The following FBN2 variants were observed in gnomAD, a reference collection of about 807,000 sequenced individuals.
FBN2 encodes fibrillin 2, also known as fibrillin-2.
Under a neutral mutation model 355.6 loss-of-function variants are expected in FBN2, and 105 were observed. The ratio of observed to expected loss-of-function variants is 0.30; its 90% CI spans 0.25 to 0.35. FBN2 has a LOEUF of 0.35. FBN2 is among the 10% of genes least tolerant of loss of function. The pLI, the probability that FBN2 is intolerant of heterozygous loss-of-function variation, is 1.00. For synonymous variants in FBN2, 1,350 were observed against 1,301.2 expected (o/e 1.04, Z -0.81); for missense variants, 3,280 against 3,758.7 (o/e 0.87, Z 3.33).
Position 128,336,090 on chromosome 5 carries a change from C to G in FBN2, c.3622G>C (p.Asp1208His). 1 of 1,613,448 alleles carries G rather than the reference C, an allele frequency of 6.2e-7. No individual in the cohort carries two copies. Among genetic ancestry groups the G allele is most frequent in the Non-Finnish European group, 8.5e-7 (1 of 1,179,500 alleles). ...CATTTTCCATTTCTGCAGAGATTGT[C>G]ACTCAGGGAGCATTCATTAATATCT... is the stretch of plus-strand genomic sequence containing the variant. ...CVDINECSLS[D>H]NLCRNGKCVN... The change falls in exon 28 of 65, where the codon GAC (aspartate) becomes CAC (histidine). Residue 1208 changes from aspartate (D) to histidine (H), a missense_variant. Physicochemically the swap from Asp to His is moderately conservative, Grantham distance 81. This residue lies in a region of FBN2 where 2,284 missense variants were observed against 2,749.5 expected (regional missense o/e 0.83). Transcript: ENST00000262464.
Position 128,286,736 on chromosome 5 carries a change from C to G in FBN2, c.6994G>C (p.Asp2332His). ...CGCTTACCTACACAGCCTTCTCCAT[C>G]GGGCCTTCGGGCCATTCCAGGAGGG... is the stretch of plus-strand genomic sequence containing the variant. ...ICPPGMARRP[D>H]GEGCVDENEC... The change falls in exon 55 of 65, where the codon GAT (aspartate) becomes CAT (histidine). Residue 2332 changes from aspartate to histidine, a missense_variant. Transcript: ENST00000262464. 6.2e-7 allele frequency: 1 copy of G among 1,614,140 alleles called. No individual in the cohort carries two copies. Among genetic ancestry groups the G allele is most frequent in the Non-Finnish European group, 8.5e-7 (1 of 1,179,988 alleles).
At chr5:128,442,696 C>A (rs1438429085) in intron 7 of FBN2, among the ~76,000 whole-genome samples, 2 of 151,918 alleles carry the variant, frequency 1.3e-5, no homozygotes, top group African/African-American at 4.8e-5. Context: ...AGATCCAGGA[C>A]CCTAATTGAG....
At chr5:128,500,821 A>C (rs530345329) in intron 5 of FBN2, among the ~76,000 whole-genome samples, 1 of 152,188 alleles carries the variant, frequency 6.6e-6, no homozygotes, top group South Asian at 2.1e-4. Context: ...ATAGGACTAA[A>C]ATCCCTACCT....
Position 128,393,247 on chromosome 5 carries a change from A to G in FBN2, c.1353T>C (p.Tyr451=). ...GFAPSGNGNG[Y]GPGGTGFIPI... is the part of the protein sequence containing the mutation. ...GGATGAAGCCTGTCCCTCCTGGGCCATAGCCATTGCCATTGCCACTTGGGG... is the reference window on the plus strand; with the variant it reads ...GGATGAAGCCTGTCCCTCCTGGGCCGTAGCCATTGCCATTGCCACTTGGGG... The change falls in exon 10 of 65, where the codon TAT becomes TAC. Residue 451 remains tyrosine, a synonymous_variant. Coordinates refer to ENST00000262464, the MANE Select transcript of FBN2 (RefSeq NM_001999.4). 2.5e-6 allele frequency: 4 copies of G among 1,614,174 alleles called. No homozygotes were observed. The South Asian group carries it at 4.4e-5, about 18-fold the overall frequency.
rs562997665 is a variant in FBN2, at chr5:128,447,498, G to A, written c.827-892C>T. ...TATGTACCAGGATGAGGAAATTCCC[G>A]CCTAATAAATTTTGGTCAGACTGGT... On this transcript the variant is annotated intron_variant, in intron 6 of 64. Transcript: ENST00000262464. Among the ~76,000 whole-genome samples, 22 of 152,180 alleles carry A rather than the reference G, an allele frequency of 1.4e-4. No homozygotes were observed. The East Asian group carries it at 3.3e-3, about 23-fold the overall frequency.
intron 62 of FBN2, among the ~76,000 whole-genome samples, chr5:128,270,022 G>C (rs568506338): frequency 6.6e-6 from 1 of 152,136 alleles, no homozygotes; most frequent in Non-Finnish European, 1.5e-5. Flanking sequence ...ACAGAACAGA[G>C]ACCTCAGAAA....
chr5:128,518,204 C>G (rs1756337916), intron 5 of FBN2, among the ~76,000 whole-genome samples: 1 of 152,164 alleles, frequency 6.6e-6, no homozygotes. Flanking sequence ...CAACTCAGCT[C>G]AACCTAAAAG....
At chr5:128,459,318 C>A (rs1290278183) in intron 6 of FBN2, among the ~76,000 whole-genome samples, 1 of 151,958 alleles carries the variant, frequency 6.6e-6, no homozygotes, top group Non-Finnish European at 1.5e-5. Context: ...AATAGCCTAC[C>A]AACCAAAAAA....
chr5:128,394,991 G>A, intron 9 of FBN2, 131 bp downstream of exon 9: 2 of 981,530 alleles, frequency 2.0e-6, no homozygotes, highest in Non-Finnish European at 3.2e-6. Context: ...TCGCCATGTT[G>A]CCCAGGCTGG....
intron 7 of FBN2, among the ~76,000 whole-genome samples, chr5:128,443,899 C>A (rs987845337): frequency 3.9e-5 from 6 of 152,026 alleles, no homozygotes; most frequent in Non-Finnish European, 8.8e-5. Context: ...GCAAACATTA[C>A]ATTTATGGCA....
Position 128,276,121 on chromosome 5 carries a change from T to C in FBN2, c.7511A>G (p.Tyr2504Cys), listed in dbSNP as rs764032053. Residue 2504 changes from tyrosine to cysteine, a missense_variant, in exon 59 of 65, where the codon TAC becomes TGC. Tyr to Cys is a radical substitution (Grantham distance 194, BLOSUM62 -2). This residue lies in a region of FBN2 where 2,284 missense variants were observed against 2,749.5 expected (regional missense o/e 0.83). Transcript: ENST00000262464. ...ACTCCCCTCAGTGTTCTTGCAGATG[T>C]AGTTGCATGGTTTCGGGGACTGGGA... Reference protein sequence around the residue: ...ECSQSPKPCNYICKNTEGSYQ... With the variant: ...ECSQSPKPCNCICKNTEGSYQ... 4.3e-5 allele frequency: 69 copies of C among 1,613,450 alleles called. No homozygotes were observed. Among genetic ancestry groups the C allele is most frequent in the Non-Finnish European group, 5.7e-5 (67 of 1,179,548 alleles).
intron 8 of FBN2, among the ~76,000 whole-genome samples, chr5:128,395,546 C>T (rs983331760): frequency 6.6e-6 from 1 of 152,186 alleles, no homozygotes; most frequent in East Asian, 1.9e-4. Context: ...AGTCCCAATC[C>T]TCAGCCTGGA....
chr5:128,424,500 C>T (rs897295513), intron 7 of FBN2, among the ~76,000 whole-genome samples: 2 of 152,104 alleles, frequency 1.3e-5, no homozygotes, highest in Non-Finnish European at 2.9e-5. Context: ...GGATGAAAGC[C>T]TGTGGTCTGT....
rs1303304305 is a variant in FBN2 at position 128,301,518 on chromosome 5, C to A, written c.5918-8G>T. The A allele has an allele frequency of 6.2e-7, 1 of 1,612,464 alleles. No homozygotes were observed. ...AACTGCACTCATCTATGTCTGTAAGCAAACAGGAGTATGTTTTTCAGAAAG... is the reference window on the plus strand; with the variant it reads ...AACTGCACTCATCTATGTCTGTAAGAAAACAGGAGTATGTTTTTCAGAAAG... On this transcript the variant is annotated splice_polypyrimidine_tract_variant and splice_region_variant and intron_variant, in intron 46 of 64. Coordinates refer to ENST00000262464, the MANE Select transcript of FBN2 (RefSeq NM_001999.4).
At chr5:128,512,144 T>TA (rs1333963031) in intron 5 of FBN2, among the ~76,000 whole-genome samples, 1 of 152,160 alleles carries the variant, frequency 6.6e-6, no homozygotes, top group Non-Finnish European at 1.5e-5. Flanking sequence ...TAGTGAAACT[T>TA]ACGCTGTTCA....
intron 36 of FBN2, among the ~76,000 whole-genome samples, chr5:128,315,663 T>C (rs1410303549): frequency 6.6e-6 from 1 of 152,214 alleles, no homozygotes; most frequent in African/African-American, 2.4e-5. Context: ...CTTTTATACA[T>C]ACCTGCCTTT....
intron 7 of FBN2, among the ~76,000 whole-genome samples, chr5:128,435,055 A>C (rs906786269): frequency 6.6e-6 from 1 of 152,170 alleles, no homozygotes; most frequent in African/African-American, 2.4e-5. Context: ...ATACAATGGC[A>C]CTAGGGAAAC....
rs1212866049 is a variant in FBN2, at chr5:128,291,531, A to C, written c.6290T>G (p.Phe2097Cys). 6.2e-7 allele frequency: 1 copy of C among 1,613,864 alleles called. No individual in the cohort carries two copies. The highest frequency in any genetic ancestry group is 1.3e-5 in the African/African-American group (1 of 75,012). ...FVLSDNGRRC[F>C]DTRQSFCFTN... ...AGTGAAGTCATGCCAAATCTTACCA[A>C]AGCATCTCCGTCCATTATCAGATAG... is the stretch of plus-strand genomic sequence containing the variant. The change falls in exon 49 of 65, where the codon TTT becomes TGT. Residue 2097 changes from phenylalanine (F) to cysteine (C), a missense_variant and splice_region_variant. Coordinates refer to ENST00000262464, the MANE Select transcript of FBN2 (RefSeq NM_001999.4).
chr5:128,459,451 A>C (rs1046816739), intron 6 of FBN2, among the ~76,000 whole-genome samples: 7 of 152,208 alleles, frequency 4.6e-5, no homozygotes, highest in Admixed American at 4.6e-4. Flanking sequence ...AACTCATTTT[A>C]TGAAGCCAGA....
Sources: allele counts gnomAD v4.1 joint callset (sites outside exome capture counted in the v4.1 genomes callset), GRCh38; gene constraint gnomAD v4.1.1; regional missense constraint gnomAD v4.1.1; transcripts MANE v1.5; gene names NCBI Gene and HGNC (gene_info 2026-07-23, HGNC 2026-07-21).